VSTM4: variants seen among roughly 807,000 people sequenced by gnomAD.
The protein encoded by VSTM4 is V-set and transmembrane domain-containing protein 4.
In VSTM4, 20 loss-of-function variants were observed where a neutral mutation model predicts 36.4. The ratio of observed to expected loss-of-function variants is 0.55; its 90% confidence interval spans 0.39 to 0.80. VSTM4 has a LOEUF of 0.80. VSTM4 is among the 30% of genes least tolerant of loss of function. The probability of loss-of-function intolerance (pLI) is 0.00; values close to 1 mark genes in which losing one functional copy is unlikely to be tolerated. For missense variants in VSTM4, 392 were observed against 404.5 expected (o/e 0.97, Z 0.26); for synonymous variants, 182 against 173.9 (o/e 1.05, Z -0.37).
At chr10:49,098,927 C>T (rs573404288) in intron 2 of VSTM4, among the ~76,000 whole-genome samples, 1 of 152,348 alleles carries the variant, frequency 6.6e-6, no homozygotes, top group South Asian at 2.1e-4. Context: ...ATGAATTTAC[C>T]TAGCGCTGAT....
intron 1 of VSTM4, among the ~76,000 whole-genome samples, chr10:49,111,650 T>A (rs144974666): frequency 6.6e-5 from 10 of 152,260 alleles, no homozygotes; most frequent in Non-Finnish European, 1.5e-4. Flanking sequence ...GGGAGACGCA[T>A]CGTCCCCCTC....
chr10:49,085,869 C>A (rs1195218416), intron 3 of VSTM4, 86 bp downstream of exon 3: 1 of 814,036 alleles, frequency 1.2e-6, no homozygotes, highest in Non-Finnish European at 1.9e-6. Flanking sequence ...TGCACATGTA[C>A]CCTAGAACTT....
At chr10:49,072,894 T>C (rs1246293633) in intron 4 of VSTM4, among the ~76,000 whole-genome samples, 3 of 152,200 alleles carry the variant, frequency 2.0e-5, no homozygotes, top group South Asian at 2.1e-4. Context: ...CCCAGCCCAG[T>C]GCAGAATCTT....
At chr10:49,053,852 G>A (rs551119658) in intron 5 of VSTM4, among the ~76,000 whole-genome samples, 1 of 152,318 alleles carries the variant, frequency 6.6e-6, no homozygotes, top group South Asian at 2.1e-4. Flanking sequence ...GGACAGACCA[G>A]GCAGGTCATG....
chr10:49,075,329 A>T (rs1229570912), intron 4 of VSTM4, among the ~76,000 whole-genome samples: 1 of 151,728 alleles, frequency 6.6e-6, no homozygotes, highest in East Asian at 2.0e-4. Context: ...CCTTCAGAGC[A>T]TACCCAGCTT....
chr10:49,058,222 T>G (rs900118117), intron 5 of VSTM4, among the ~76,000 whole-genome samples: 2 of 152,096 alleles, frequency 1.3e-5, no homozygotes, highest in African/African-American at 2.4e-5. Flanking sequence ...ATCCCGTAAG[T>G]AGAGATGAAG....
intron 3 of VSTM4, among the ~76,000 whole-genome samples, chr10:49,077,741 T>C (rs1844205897): frequency 6.6e-6 from 1 of 152,200 alleles, no homozygotes; most frequent in South Asian, 2.1e-4. Flanking sequence ...ATCTTTGGGA[T>C]CTAAGAATAG....
intron 4 of VSTM4, among the ~76,000 whole-genome samples, chr10:49,065,968 A>C (rs1843966168): frequency 6.6e-6 from 1 of 151,928 alleles, no homozygotes; most frequent in African/African-American, 2.4e-5. Flanking sequence ...AACAATAATA[A>C]CAACCATAGT....
intron 4 of VSTM4, among the ~76,000 whole-genome samples, chr10:49,070,417 A>G (rs1447903119): frequency 6.6e-6 from 1 of 152,192 alleles, no homozygotes; most frequent in East Asian, 1.9e-4. Flanking sequence ...ACTACTAAAA[A>G]AAAAAATGGT....
At chr10:49,079,241 T>A (rs1359945873) in intron 3 of VSTM4, among the ~76,000 whole-genome samples, 3 of 152,102 alleles carry the variant, frequency 2.0e-5, no homozygotes, top group Non-Finnish European at 2.9e-5. Context: ...TCTCACTCCG[T>A]CACCCAGGCT....
intron 2 of VSTM4, among the ~76,000 whole-genome samples, chr10:49,087,485 C>T (rs1353232998): frequency 6.6e-6 from 1 of 152,122 alleles, no homozygotes; most frequent in Admixed American, 6.5e-5. Context: ...TTTTGGTTCC[C>T]TGATAGGAAG....
Position 49,019,470 on chromosome 10 carries a change from C to T in VSTM4, c.*180G>A, listed in dbSNP as rs2244575. 0.56 allele frequency: 412,619 copies of T among 740,668 alleles called. 117,311 individuals carry two copies. The highest frequency in any genetic ancestry group is 0.72 in the East Asian group (21,618 of 30,220). The allele number at this position is 740,668 out of a possible 1,614,324, so 45.9% of individuals were successfully genotyped here. The stretch of plus-strand genomic sequence containing the variant: ...GGAGATCTGTCAAGAGCTGTGGCCC[C>T]GATTCTTTTGGGGAGAGCAGGCTTG... On this transcript the variant is annotated 3_prime_UTR_variant, in exon 8 of 8. Coordinates refer to ENST00000332853, the MANE Select transcript of VSTM4 (RefSeq NM_001031746.5).
intron 5 of VSTM4, among the ~76,000 whole-genome samples, chr10:49,051,606 G>C (rs374286660): frequency 6.6e-6 from 1 of 152,212 alleles, no homozygotes; most frequent in Non-Finnish European, 1.5e-5. Flanking sequence ...ATGTTGGTCA[G>C]GCTAGTCTTG....
intron 4 of VSTM4, among the ~76,000 whole-genome samples, chr10:49,076,628 T>C (rs1268249881): frequency 6.6e-6 from 1 of 152,064 alleles, no homozygotes; most frequent in Non-Finnish European, 1.5e-5. Flanking sequence ...AATCAGGCAG[T>C]GTTCATAGAG....
intron 4 of VSTM4, among the ~76,000 whole-genome samples, chr10:49,072,427 A>G (rs542646894): frequency 1.3e-5 from 2 of 152,258 alleles, no homozygotes; most frequent in African/African-American, 4.8e-5. Context: ...ACCAGGAATG[A>G]TTGGGCAGTA....
intron 4 of VSTM4, among the ~76,000 whole-genome samples, chr10:49,068,747 G>A (rs994282554): frequency 1.3e-5 from 2 of 151,954 alleles, no homozygotes; most frequent in Non-Finnish European, 2.9e-5. Flanking sequence ...AGTTTATGTG[G>A]GAGGTGATCC....
At chr10:49,104,684 G>A (rs944624262) in intron 2 of VSTM4, among the ~76,000 whole-genome samples, 1 of 152,254 alleles carries the variant, frequency 6.6e-6, no homozygotes, top group Admixed American at 6.5e-5. Flanking sequence ...TGGCAAGGGA[G>A]GCTGAGCTCC....
intron 7 of VSTM4, among the ~76,000 whole-genome samples, chr10:49,026,965 G>T (rs904713696): frequency 6.6e-6 from 1 of 152,142 alleles, no homozygotes; most frequent in African/African-American, 2.4e-5. Context: ...CTCTAACAGG[G>T]GAGTACAGGT....
intron 2 of VSTM4, among the ~76,000 whole-genome samples, chr10:49,104,922 GAC>G (rs1844740111): frequency 6.6e-6 from 1 of 151,434 alleles, no homozygotes; most frequent in East Asian, 1.9e-4. Flanking sequence ...GAGAAGGAAA[GAC>G]AGAGAAACAG....
Sources: gnomAD v4.1 joint callset for allele counts (sites outside exome capture counted in the v4.1 genomes callset) on GRCh38, gnomAD v4.1.1 for gene constraint, MANE v1.5 for transcripts, NCBI Gene and HGNC (gene_info 2026-07-23, HGNC 2026-07-21) for gene names.